The following CDH16 variants were observed in gnomAD, a reference collection of about 807,000 sequenced individuals.
CDH16 encodes cadherin-16.
In CDH16, 79 loss-of-function variants were observed where a neutral mutation model predicts 87.6. The observed-to-expected ratio is 0.90, with a 90% CI of 0.75 to 1.09. The LOEUF (loss-of-function observed/expected upper bound fraction) is 1.09. Ranked by LOEUF, CDH16 falls within the 50% of genes least tolerant of loss-of-function variation. The pLI is 0.00. For synonymous variants in CDH16, 457 were observed against 439.5 expected, an observed-to-expected ratio of 1.04 and a Z score of -0.50; for missense variants, 1,124 against 1,071.7, an observed-to-expected ratio of 1.05 and a Z score of -0.68.
At chr16:66,911,431 C>T in intron 13 of CDH16, 116 bp from the exon 14 acceptor site, 1 of 1,081,858 alleles carries the variant, frequency 9.2e-7, no homozygotes, top group Non-Finnish European at 1.3e-6. Context: ...GACTCAGGGG[C>T]CACAGCAAAG....
chr16:66,910,237 C>T, intron 15 of CDH16, 23 bp downstream of exon 15: 3 of 1,571,990 alleles, frequency 1.9e-6, no homozygotes, highest in Non-Finnish European at 2.6e-6. Flanking sequence ...GCCACAGCCT[C>T]CCTCCCTTTC....
rs1252613702 is a variant in CDH16, at chr16:66,916,773, G to A, written c.130-344C>T. ...TCTCTAACCCGAAAATCTGAAATCT[G>A]AAATACTCAAAATCTGAAACTTTTT... On this transcript the variant is annotated intron_variant, in intron 3 of 17. Transcript: ENST00000299752. This position sits in a 1 kb window ranked among gnomAD's most constrained non-coding sequence, Gnocchi z 4.1. Among the ~76,000 whole-genome samples, 1 of 152,130 alleles carries A rather than the reference G, an allele frequency of 6.6e-6. No homozygotes were observed. Among genetic ancestry groups the A allele is most frequent in the Admixed American group, 6.5e-5 (1 of 15,276 alleles).
chr16:66,915,738 C>CA (rs924894641), intron 5 of CDH16, among the ~76,000 whole-genome samples: 74 of 151,816 alleles, frequency 4.9e-4, no homozygotes, highest in Admixed American at 1.0e-3. Context: ...TTTAAAAATA[C>CA]AAAAAAAATT....
intron 14 of CDH16, 122 bp downstream of exon 14, chr16:66,911,060 G>T: frequency 2.2e-6 from 2 of 910,684 alleles, no homozygotes; most frequent in Non-Finnish European, 3.2e-6. Context: ...CTTCATATCT[G>T]CCTCTCCTGC....
intron 3 of CDH16, among the ~76,000 whole-genome samples, chr16:66,917,310 A>G (rs72794252): frequency 9.3e-4 from 142 of 152,302 alleles, no homozygotes; most frequent in Non-Finnish European, 1.5e-3. Context: ...AAAAGAAAAA[A>G]AAATGTATAA....
chr16:66,916,027 C>T lies in CDH16; in HGVS notation c.424+38G>A, dbSNP rs1489099998. The stretch of plus-strand genomic sequence containing the variant: ...CTCTCTGCTGTTCCATCAAGGCCCA[C>T]CTGACCTTACTGTAAATTGGCTGCC... On this transcript the variant is annotated intron_variant, in intron 5 of 17. Transcript: ENST00000299752. This position sits in a 1 kb window ranked among gnomAD's most constrained non-coding sequence, Gnocchi z 4.1. 6.2e-7 allele frequency: 1 copy of T among 1,613,204 alleles called. No individual in the cohort carries two copies. Among genetic ancestry groups the T allele is most frequent in the Non-Finnish European group, 8.5e-7 (1 of 1,179,810 alleles).
intron 7 of CDH16, 101 bp downstream of exon 7, chr16:66,914,115 G>A: frequency 1.0e-6 from 1 of 996,706 alleles, no homozygotes; most frequent in Non-Finnish European, 1.5e-6. Flanking sequence ...GAGGAGCACG[G>A]GTCATGAGGG....
chr16:66,912,795 T>C lies in CDH16; in HGVS notation c.1151A>G (p.Asp384Gly). 1 of 1,613,674 alleles carries C rather than the reference T, an allele frequency of 6.2e-7. No homozygotes were observed. The highest frequency in any genetic ancestry group is 1.1e-5 in the South Asian group (1 of 91,074). Residue 384 changes from aspartate to glycine, a missense_variant, in exon 10 of 18, where the codon GAT becomes GGT. Transcript: ENST00000299752. ...VYQLLSPEPE[D>G]GVEGRAFQVD... Reference sequence around the variant, plus strand: ...CTGGAAGGCTCTCCCCTCTACCCCATCCTCAGGCTCAGGGCTCAGGAGCTG... The same window carrying C: ...CTGGAAGGCTCTCCCCTCTACCCCACCCTCAGGCTCAGGGCTCAGGAGCTG...
chr16:66,916,206 G>C lies in CDH16; in HGVS notation c.286-3C>G, dbSNP rs1411133547. 1 of 1,614,128 alleles carries C rather than the reference G, an allele frequency of 6.2e-7. No homozygotes were observed. The highest frequency in any genetic ancestry group is 2.2e-5 in the East Asian group (1 of 44,894). On this transcript the variant is annotated splice_polypyrimidine_tract_variant and splice_region_variant and intron_variant, in intron 4 of 17. Transcript: ENST00000299752. This position sits in a 1 kb window ranked among gnomAD's most constrained non-coding sequence, Gnocchi z 4.1. ...CCATCCTGCATCTCCAGGGTGACCT[G>C]GCAGGGAAGGGGAGTCAGCGTCTGG...
At chr16:66,912,934 T>C (rs1475773221) in intron 9 of CDH16, 43 bp from the exon 10 acceptor site, 1 of 1,558,598 alleles carries the variant, frequency 6.4e-7, no homozygotes, top group Non-Finnish European at 8.8e-7. Context: ...CAGCCCAGCC[T>C]GGAGACCTTA....
intron 6 of CDH16, 98 bp from the exon 7 acceptor site, chr16:66,914,510 C>G: frequency 1.2e-6 from 1 of 835,118 alleles, no homozygotes; most frequent in Non-Finnish European, 1.9e-6. Context: ...AAGCATACAG[C>G]AGGTGATTGG....
chr16:66,911,114 A>C (rs1385420795), intron 14 of CDH16, 68 bp downstream of exon 14: 2 of 1,494,730 alleles, frequency 1.3e-6, no homozygotes, highest in Non-Finnish European at 1.8e-6. Context: ...GAGGAAGCTC[A>C]GTCCTGCTGT....
chr16:66,912,137 G>C lies in CDH16; in HGVS notation c.1552C>G (p.Leu518Val). 6.2e-7 allele frequency: 1 copy of C among 1,611,554 alleles called. No homozygotes were observed. Among genetic ancestry groups the C allele is most frequent in the Non-Finnish European group, 8.5e-7 (1 of 1,178,066 alleles). ...TGACTTGGAGCTGCCTCATAACTGAGGTTCTGGAACCAGGAGGCCCAGGTC... is the reference window on the plus strand; with the variant it reads ...TGACTTGGAGCTGCCTCATAACTGACGTTCTGGAACCAGGAGGCCCAGGTC... The part of the protein sequence containing the change: ...GHVRLRLCKN[L>V]SYEAAPSHEV... Residue 518 changes from leucine to valine, a missense_variant, in exon 13 of 18, where the codon CTC becomes GTC. Physicochemically the swap from Leu to Val is conservative, Grantham distance 32 (BLOSUM62 1). Transcript: ENST00000299752.
chr16:66,913,022 G>C (rs1304988846), intron 9 of CDH16, 109 bp downstream of exon 9: 4 of 1,254,194 alleles, frequency 3.2e-6, no homozygotes, highest in Non-Finnish European at 3.4e-6. Flanking sequence ...GTGTGTGTGT[G>C]TTATGGAGGG....
intron 13 of CDH16, 41 bp from the exon 14 acceptor site, chr16:66,911,356 A>G (rs772814286): frequency 1.9e-6 from 3 of 1,601,962 alleles, no homozygotes; most frequent in African/African-American, 2.7e-5. Flanking sequence ...CTGGGACTAC[A>G]TATAGGGTTT....
At chr16:66,911,575 C>G (rs1309427229) in intron 13 of CDH16, among the ~76,000 whole-genome samples, 1 of 152,194 alleles carries the variant, frequency 6.6e-6, no homozygotes, top group African/African-American at 2.4e-5. Context: ...ACTTTGCTCA[C>G]TCCAGGTCAC....
rs1248075178 is a variant in CDH16, at chr16:66,912,143, G to A, written c.1549-3C>T. On this transcript the variant is annotated splice_region_variant and splice_polypyrimidine_tract_variant and intron_variant, in intron 12 of 17. Coordinates refer to ENST00000299752, the MANE Select transcript of CDH16 (RefSeq NM_004062.4). ...GGAGCTGCCTCATAACTGAGGTTCT[G>A]GAACCAGGAGGCCCAGGTCACTGTG... 6.2e-7 allele frequency: 1 copy of A among 1,610,812 alleles called. No homozygotes were observed. Among genetic ancestry groups the A allele is most frequent in the African/African-American group, 1.3e-5 (1 of 74,964 alleles).
At position 66,916,909 on chromosome 16, in the gene CDH16, T is replaced by C. The variant is rs1385049654; in HGVS notation, c.130-480A>G. Among the ~76,000 whole-genome samples, 1 of 152,160 alleles carries C rather than the reference T, an allele frequency of 6.6e-6. No individual in the cohort carries two copies. The highest frequency in any genetic ancestry group is 1.5e-5 in the Non-Finnish European group (1 of 68,042). On this transcript the variant is annotated intron_variant, in intron 3 of 17. Coordinates refer to ENST00000299752, the MANE Select transcript of CDH16 (RefSeq NM_004062.4). This position sits in a 1 kb window ranked among gnomAD's most constrained non-coding sequence, Gnocchi z 4.1. The stretch of plus-strand genomic sequence containing the variant: ...TTCATGCACAAAATCATTAAAAATA[T>C]TCGCCCAGGAGCAGACTCACACTGG...
At position 66,915,286 on chromosome 16, in the gene CDH16, CTGGAG is replaced by C. The variant is rs750768980; in HGVS notation, c.512_516del (p.Ala171GlyfsTer28). ...TGGAACATGTCTGGGGAAGGCTGGG[CTGGAG>C]CCTGGCTCAGGATGTGGAATCGAAG... is the stretch of plus-strand genomic sequence containing the variant. On this transcript the variant is annotated frameshift_variant, in exon 6 of 18. Coordinates refer to ENST00000299752, the MANE Select transcript of CDH16 (RefSeq NM_004062.4). LOFTEE classifies it high-confidence loss of function. 6.2e-7 allele frequency: 1 copy of C among 1,614,014 alleles called. No homozygotes were observed. Among genetic ancestry groups the C allele is most frequent in the African/African-American group, 1.3e-5 (1 of 75,040 alleles).
Sources: gnomAD v4.1 joint callset for allele counts (sites outside exome capture counted in the v4.1 genomes callset) on GRCh38, gnomAD v4.1.1 for gene constraint, Gnocchi (gnomAD v3.1) non-coding constraint, MANE v1.5 for transcripts, NCBI Gene and HGNC (gene_info 2026-07-23, HGNC 2026-07-21) for gene names.